LIMS1: variants seen among roughly 807,000 people sequenced by gnomAD.
LIMS1 encodes the protein LIM and senescent cell antigen-like-containing domain protein 1.
LIMS1 carries 18 observed loss-of-function variants against 44.1 expected under a neutral mutation model. That is an observed-to-expected ratio of 0.41 (90% CI 0.28 to 0.61). The LOEUF (loss-of-function observed/expected upper bound fraction) is 0.61, where lower values mean the gene tolerates loss of function less well. LIMS1 is among the 20% of genes least tolerant of loss of function. LIMS1 has a pLI of 0.32. For missense variants in LIMS1, 201 were observed against 422.0 expected (o/e 0.48, Z 4.59); for synonymous variants, 93 against 149.1 (o/e 0.62, Z 2.74).
intron 3 of LIMS1, chr2:108,671,074 G>A (rs1692131901): frequency 1.5e-5 from 8 of 528,238 alleles, no homozygotes; most frequent in Admixed American, 1.0e-4. Flanking sequence ...AAGAGGCTGA[G>A]GCAGGAGAAT....
intron 9 of LIMS1, among the ~76,000 whole-genome samples, chr2:108,682,500 A>G (rs1693076447): frequency 6.6e-6 from 1 of 150,728 alleles, no homozygotes; most frequent in Non-Finnish European, 1.5e-5. Context: ...ACTCTGTCTC[A>G]AAAAATAAAA....
chr2:108,565,678 C>T (rs1246678011), intron 1 of LIMS1, among the ~76,000 whole-genome samples: 2 of 152,198 alleles, frequency 1.3e-5, no homozygotes, highest in Admixed American at 6.5e-5. Flanking sequence ...TTAGTGCATT[C>T]CTGCTGCTAT....
intron 1 of LIMS1, among the ~76,000 whole-genome samples, chr2:108,603,180 A>G (rs933683470): frequency 7.2e-5 from 11 of 152,020 alleles, no homozygotes; most frequent in African/African-American, 2.7e-4. Context: ...CCTCTCCTCT[A>G]TTTTTCAGAA....
chr2:108,641,752 T>G (rs1250220691), intron 1 of LIMS1, among the ~76,000 whole-genome samples: 1 of 152,152 alleles, frequency 6.6e-6, no homozygotes, highest in Non-Finnish European at 1.5e-5. Context: ...ATTCAAAAAT[T>G]AGGAAAAAAA....
intron 1 of LIMS1, among the ~76,000 whole-genome samples, chr2:108,603,376 C>A (rs1159581481): frequency 6.6e-6 from 1 of 151,492 alleles, no homozygotes; most frequent in African/African-American, 2.4e-5. Flanking sequence ...TTGTATGTAT[C>A]TAGGAATTTT....
At chr2:108,662,113 C>T in intron 2 of LIMS1, 1 of 1,595,232 alleles carries the variant, frequency 6.3e-7, no homozygotes, top group Non-Finnish European at 8.6e-7. Context: ...GAGAAAAAGA[C>T]AGGCTTTGTT....
chr2:108,668,408 C>G (rs1330644843), intron 2 of LIMS1, among the ~76,000 whole-genome samples: 1 of 152,062 alleles, frequency 6.6e-6, no homozygotes, highest in Non-Finnish European at 1.5e-5. Context: ...CTCTATTTTA[C>G]TCTCTATTTC....
At chr2:108,592,025 C>T (rs926509226) in intron 1 of LIMS1, among the ~76,000 whole-genome samples, 1 of 152,070 alleles carries the variant, frequency 6.6e-6, no homozygotes, top group Non-Finnish European at 1.5e-5. Flanking sequence ...GAACTCCTGA[C>T]CTCAGGTGAT....
At chr2:108,685,626 T>A (rs1693259492) in exon 10 of LIMS1, 1 of 152,218 alleles carries the variant, frequency 6.6e-6, no homozygotes, top group African/African-American at 2.4e-5. Flanking sequence ...AGAATTGAAA[T>A]TATCATAAAT....
intron 1 of LIMS1, among the ~76,000 whole-genome samples, chr2:108,579,096 A>G (rs550563389): frequency 1.4e-3 from 218 of 151,908 alleles, no homozygotes; most frequent in Non-Finnish European, 2.2e-3. Context: ...CCAAAGTCCA[A>G]TTTTTTTTGA....
chr2:108,619,552 C>T (rs981154870), intron 1 of LIMS1, among the ~76,000 whole-genome samples: 1 of 151,886 alleles, frequency 6.6e-6, no homozygotes, highest in Non-Finnish European at 1.5e-5. Flanking sequence ...GGCGTGGTGG[C>T]GCAAACCTGT....
intron 1 of LIMS1, among the ~76,000 whole-genome samples, chr2:108,570,454 C>T (rs752159184): frequency 1.3e-5 from 2 of 152,072 alleles, no homozygotes; most frequent in Admixed American, 1.3e-4. Context: ...ATACTATATT[C>T]TCTTTGGCTA....
chr2:108,616,098 C>T lies in LIMS1; in HGVS notation c.33-43507C>T, dbSNP rs185036329. Among the ~76,000 whole-genome samples the T allele has an allele frequency of 3.0e-3, 430 of 142,290 alleles. 1 individual carries two copies. The highest frequency in any genetic ancestry group is 3.0e-3 in the Non-Finnish European group (195 of 65,008). The allele number at this position is 142,290 out of a possible 152,430, so 93.3% of individuals were successfully genotyped here. A position where few individuals can be genotyped will look rare whatever the true frequency, so the allele number is the denominator to read the frequency against. On this transcript the variant is annotated intron_variant, in intron 1 of 9. Transcript: ENST00000544547. ...ATATTGTATCAGTGGCTTTTGAGAA[C>T]ATTTGATAATGGTCTAAATTGAAGA...
chr2:108,643,002 A>G (rs1261913756), intron 1 of LIMS1, among the ~76,000 whole-genome samples: 1 of 152,204 alleles, frequency 6.6e-6, no homozygotes, highest in Non-Finnish European at 1.5e-5. Context: ...TAGGTCAATC[A>G]TTCCATAAGT....
intron 5 of LIMS1, among the ~76,000 whole-genome samples, chr2:108,675,361 T>C (rs1343552537): frequency 1.3e-5 from 2 of 152,092 alleles, no homozygotes; most frequent in African/African-American, 2.4e-5. Flanking sequence ...GAGGCTGAAC[T>C]CGTCCTTTTA....
At chr2:108,641,925 A>G (rs1213582860) in intron 1 of LIMS1, among the ~76,000 whole-genome samples, 2 of 152,160 alleles carry the variant, frequency 1.3e-5, no homozygotes, top group East Asian at 1.9e-4. Context: ...CTTGCATGTC[A>G]TGATTGTTTT....
intron 1 of LIMS1, among the ~76,000 whole-genome samples, chr2:108,536,046 A>G (rs1048835058): frequency 6.6e-6 from 1 of 152,224 alleles, no homozygotes; most frequent in East Asian, 1.9e-4. Context: ...GTAAGTTGAT[A>G]TAAAATTTAA....
intron 1 of LIMS1, among the ~76,000 whole-genome samples, chr2:108,625,075 TCAAA>T (rs1171186634): frequency 2.6e-5 from 4 of 152,192 alleles, no homozygotes; most frequent in Non-Finnish European, 5.9e-5. Context: ...TGAGACTCTC[TCAAA>T]CAAACAAACA....
At position 108,629,276 on chromosome 2, in the gene LIMS1, G is replaced by A. The variant is rs116735302; in HGVS notation, c.33-30329G>A. Among the ~76,000 whole-genome samples the A allele has an allele frequency of 8.4e-3, 1,278 of 152,246 alleles. 22 individuals carry two copies. Among genetic ancestry groups the A allele is most frequent in the African/African-American group, 0.029 (1,209 of 41,540 alleles). The stretch of plus-strand genomic sequence containing the variant: ...AATTTGTAATGTTTCAACCATGTTC[G>A]GATGGAAAGAAGATGTATAGGATTG... On this transcript the variant is annotated intron_variant, in intron 1 of 9. Coordinates refer to ENST00000544547, the Ensembl canonical transcript of LIMS1.
Sources: allele counts gnomAD v4.1 joint callset (sites outside exome capture counted in the v4.1 genomes callset), GRCh38; gene constraint gnomAD v4.1.1; transcripts MANE v1.5; gene names NCBI Gene and HGNC (gene_info 2026-07-23, HGNC 2026-07-21).